Variants in ATP8B4 observed in about 807,000 individuals in gnomAD.
ATP8B4 encodes probable phospholipid-transporting ATPase IM.
ATP8B4 carries 133 observed loss-of-function variants against 145.6 expected under a neutral mutation model. The observed-to-expected ratio is 0.91, with a 90% CI of 0.79 to 1.05. ATP8B4 has a LOEUF of 1.05. Ranked by LOEUF, ATP8B4 falls within the 50% of genes least tolerant of loss-of-function variation. The pLI is 0.00. For synonymous variants in ATP8B4, 507 were observed against 492.9 expected (o/e 1.03, Z -0.38); for missense variants, 1,458 against 1,425.2 (o/e 1.02, Z -0.37).
chr15:49,906,157 T>C (rs914710714), intron 20 of ATP8B4, among the ~76,000 whole-genome samples: 1 of 152,198 alleles, frequency 6.6e-6, no homozygotes, highest in Non-Finnish European at 1.5e-5. Flanking sequence ...AAATCCTTCA[T>C]GGCTGGTTAT....
chr15:49,961,098 G>A (rs965476311), intron 14 of ATP8B4, among the ~76,000 whole-genome samples: 12 of 150,752 alleles, frequency 8.0e-5, no homozygotes, highest in South Asian at 2.1e-4. Flanking sequence ...GCGCCACTGC[G>A]CTCCAGCCTG....
At chr15:49,943,003 T>C (rs970575277) in intron 14 of ATP8B4, among the ~76,000 whole-genome samples, 5 of 152,042 alleles carry the variant, frequency 3.3e-5, no homozygotes, top group African/African-American at 1.2e-4. Context: ...TTTTTATCTT[T>C]ACAAATATCA....
At chr15:50,129,946 CAAA>C (rs59921497) in intron 1 of ATP8B4, among the ~76,000 whole-genome samples, 169 of 88,080 alleles carry the variant, frequency 1.9e-3, no homozygotes, top group African/African-American at 6.4e-3. Flanking sequence ...GACTCTGACT[CAAA>C]AAAAAAAAAA....
At chr15:50,004,598 T>G (rs1362872470) in intron 7 of ATP8B4, among the ~76,000 whole-genome samples, 1 of 152,226 alleles carries the variant, frequency 6.6e-6, no homozygotes, top group Non-Finnish European at 1.5e-5. Context: ...GGGTTTACTA[T>G]GTGTCCAGCA....
At chr15:50,086,592 A>G (rs1327874336) in intron 2 of ATP8B4, among the ~76,000 whole-genome samples, 1 of 113,946 alleles carries the variant, frequency 8.8e-6, no homozygotes, top group Non-Finnish European at 1.6e-5. Context: ...AAAATAATAT[A>G]GAGATCTATA....
At chr15:49,978,688 C>CA (rs1005265977) in intron 12 of ATP8B4, among the ~76,000 whole-genome samples, 3 of 147,524 alleles carry the variant, frequency 2.0e-5, no homozygotes, top group Non-Finnish European at 3.0e-5. Context: ...GGATTAGGAT[C>CA]AAAAATGTCC....
chr15:49,919,490 T>C (rs1214907481), intron 18 of ATP8B4, among the ~76,000 whole-genome samples: 2 of 152,174 alleles, frequency 1.3e-5, no homozygotes, highest in Non-Finnish European at 2.9e-5. Flanking sequence ...CGATCTCGGC[T>C]CACTGCAAGC....
chr15:50,115,264 A>C (rs2153674508), intron 1 of ATP8B4, among the ~76,000 whole-genome samples: 1 of 152,200 alleles, frequency 6.6e-6, no homozygotes, highest in Admixed American at 6.5e-5. Flanking sequence ...TGAGCCCAGA[A>C]GCTCAAGGCT....
intron 23 of ATP8B4, chr15:49,895,474 T>G (rs1371764383): frequency 6.6e-6 from 1 of 152,202 alleles, no homozygotes; most frequent in Non-Finnish European, 1.5e-5. Flanking sequence ...AAAATGAAGA[T>G]TGTGCAATTA....
intron 20 of ATP8B4, among the ~76,000 whole-genome samples, chr15:49,912,563 G>A (rs28862395): frequency 6.6e-6 from 1 of 151,996 alleles, no homozygotes. Flanking sequence ...AGAATTGGAT[G>A]ACTTCACTAC....
At chr15:50,033,271 CA>C (rs2050586986) in intron 6 of ATP8B4, among the ~76,000 whole-genome samples, 1 of 152,138 alleles carries the variant, frequency 6.6e-6, no homozygotes, top group Admixed American at 6.5e-5. Context: ...GAATGTTGCA[CA>C]AAAAGCTTAC....
intron 2 of ATP8B4, among the ~76,000 whole-genome samples, chr15:50,077,446 AT>A (rs1044278099): frequency 2.0e-5 from 3 of 152,244 alleles, no homozygotes; most frequent in African/African-American, 4.8e-5. Flanking sequence ...AGATGAGATC[AT>A]TTTGACTGGG....
At chr15:49,985,286 T>C (rs997992848) in intron 10 of ATP8B4, among the ~76,000 whole-genome samples, 16 of 151,964 alleles carry the variant, frequency 1.1e-4, no homozygotes, top group Admixed American at 8.5e-4. Context: ...TTAGTAGAGA[T>C]GGGGTTTCAC....
intron 1 of ATP8B4, among the ~76,000 whole-genome samples, chr15:50,172,642 C>G (rs2044695210): frequency 6.6e-6 from 1 of 151,180 alleles, no homozygotes; most frequent in Admixed American, 6.6e-5. Context: ...CCCGGCCACC[C>G]AGTCTGGGAA....
rs763389527 is a variant in ATP8B4 at position 49,920,383 on chromosome 15, A to G, written c.1786T>C (p.Leu596=). ...SEFAGEGLRT[L]AIAYRDLDDK... is the part of the protein sequence containing the mutation. ...TCCAGGTCTCTGTATGCGATGGCCA[A>G]GGTCCGAAGGCCTTCCCCTGCAAAT... The change falls in exon 18 of 28, where the codon TTG becomes CTG. Residue 596 remains leucine (L), a synonymous_variant. Transcript: ENST00000284509. 3.7e-6 allele frequency: 6 copies of G among 1,614,120 alleles called. No homozygotes were observed. In the East Asian group the frequency reaches 1.1e-4, roughly 30 times the overall value.
chr15:49,933,949 T>C, intron 15 of ATP8B4, 68 bp downstream of exon 15: 2 of 1,425,252 alleles, frequency 1.4e-6, no homozygotes, highest in Non-Finnish European at 1.9e-6. Flanking sequence ...ATCCTTCAAA[T>C]TTAGTGTCAG....
intron 2 of ATP8B4, among the ~76,000 whole-genome samples, chr15:50,079,123 G>A (rs767686158): frequency 6.6e-6 from 1 of 151,940 alleles, no homozygotes; most frequent in Non-Finnish European, 1.5e-5. Context: ...TGAGGGGATG[G>A]ATACCCCATT....
chr15:50,015,690 C>T (rs1347416628), intron 6 of ATP8B4, among the ~76,000 whole-genome samples: 1 of 152,190 alleles, frequency 6.6e-6, no homozygotes, highest in African/African-American at 2.4e-5. Flanking sequence ...TTTTCAATCC[C>T]AGTACCATCA....
intron 27 of ATP8B4, 86 bp downstream of exon 27, chr15:49,862,159 T>C (rs1288454199): frequency 1.3e-6 from 2 of 1,483,774 alleles, no homozygotes; most frequent in Non-Finnish European, 1.8e-6. Context: ...CATTAGCCCA[T>C]CTCTGAGCTT....
Sources: gnomAD v4.1 joint callset for allele counts (sites outside exome capture counted in the v4.1 genomes callset) on GRCh38, gnomAD v4.1.1 for gene constraint, MANE v1.5 for transcripts, NCBI Gene and HGNC (gene_info 2026-07-23, HGNC 2026-07-21) for gene names.